Variants in PLEKHS1 observed in about 807,000 individuals in gnomAD.
PLEKHS1 encodes pleckstrin homology domain containing S1.
A neutral mutation model predicts 51.0 loss-of-function variants in PLEKHS1; 55 were observed. The observed-to-expected ratio is 1.08, with a 90% CI of 0.87 to 1.35. The LOEUF is 1.35. Ranked by LOEUF, PLEKHS1 falls within the 40% of genes most tolerant of loss-of-function variation. The pLI, the probability that PLEKHS1 is intolerant of heterozygous loss-of-function variation, is 0.00. For synonymous variants in PLEKHS1, 153 were observed against 144.8 expected, an observed-to-expected ratio of 1.06 and a Z score of -0.41; for missense variants, 398 against 423.0, an observed-to-expected ratio of 0.94 and a Z score of 0.52.
At chr10:113,765,459 GCA>G in intron 2 of PLEKHS1, 1 of 773,304 alleles carries the variant, frequency 1.3e-6, no homozygotes, top group Admixed American at 1.7e-5. Flanking sequence ...GGTAGTTTCA[GCA>G]CACACATGTG....
chr10:113,777,172 C>A, intron 11 of PLEKHS1: 1 of 1,612,764 alleles, frequency 6.2e-7, no homozygotes, highest in Non-Finnish European at 8.5e-7. Flanking sequence ...TATTTTGCCA[C>A]GGAGATCATC....
intron 1 of PLEKHS1, among the ~76,000 whole-genome samples, chr10:113,752,298 G>T (rs552552952): frequency 6.6e-6 from 1 of 152,210 alleles, no homozygotes; most frequent in Admixed American, 6.5e-5. Context: ...TTTAGAGTAC[G>T]GTTATGAGGT....
chr10:113,771,586 A>G (rs1174885960), intron 7 of PLEKHS1, among the ~76,000 whole-genome samples: 1 of 151,124 alleles, frequency 6.6e-6, no homozygotes, highest in East Asian at 2.0e-4. Context: ...GAGGCAGGAG[A>G]ATCACTTGAA....
At chr10:113,780,235 G>A (rs1844825039) in intron 11 of PLEKHS1, among the ~76,000 whole-genome samples, 1 of 152,182 alleles carries the variant, frequency 6.6e-6, no homozygotes, top group Non-Finnish European at 1.5e-5. Flanking sequence ...AACTGATCAA[G>A]TTTAAGTTTC....
At chr10:113,777,084 G>T in intron 11 of PLEKHS1, 40 bp from the exon 12 acceptor site, 1 of 1,606,562 alleles carries the variant, frequency 6.2e-7, no homozygotes, top group South Asian at 1.1e-5. Flanking sequence ...CTGGCCAGCT[G>T]AGCCTCACAC....
chr10:113,772,651 G>A lies in PLEKHS1; in HGVS notation c.672+562G>A, dbSNP rs191482435. On this transcript the variant is annotated intron_variant, in intron 8 of 11. Coordinates refer to ENST00000361048, the Ensembl canonical transcript of PLEKHS1. ...GTCTTGTCAGTTACCACAGGATAACGCTGCACAAAAGACGTGGTCCGTGTG... is the reference window on the plus strand; with the variant it reads ...GTCTTGTCAGTTACCACAGGATAACACTGCACAAAAGACGTGGTCCGTGTG... Among the ~76,000 whole-genome samples, 91 of 152,248 alleles carry A rather than the reference G, an allele frequency of 6.0e-4. 1 individual carries two copies. The East Asian group carries it at 0.013, about 22-fold the overall frequency.
exon 4 of PLEKHS1, chr10:113,766,695 C>T (rs1442870397): frequency 2.5e-6 from 4 of 1,611,008 alleles, no homozygotes; most frequent in Non-Finnish European, 2.5e-6. Flanking sequence ...ACCATCATCA[C>T]CGAGGTTCCA....
At chr10:113,780,066 T>C (rs915487654) in intron 11 of PLEKHS1, among the ~76,000 whole-genome samples, 20 of 151,884 alleles carry the variant, frequency 1.3e-4, no homozygotes, top group African/African-American at 4.8e-4. Context: ...TTAAAGTGCC[T>C]GAGCCAATCC....
chr10:113,768,397 T>G (rs1280977555), intron 5 of PLEKHS1, among the ~76,000 whole-genome samples: 2 of 152,108 alleles, frequency 1.3e-5, no homozygotes, highest in East Asian at 3.9e-4. Flanking sequence ...GTCCTGTGAG[T>G]CCATAGAAAA....
intron 1 of PLEKHS1, among the ~76,000 whole-genome samples, chr10:113,754,012 T>C (rs762614155): frequency 7.2e-5 from 11 of 152,114 alleles, no homozygotes; most frequent in Non-Finnish European, 1.6e-4. Flanking sequence ...TTTGCCATGT[T>C]GGCCAGGCTG....
chr10:113,771,332 T>A (rs1844394938), intron 7 of PLEKHS1: 1 of 152,090 alleles, frequency 6.6e-6, no homozygotes. Context: ...ACTGGATGAT[T>A]ACAGGAAAAA....
intron 10 of PLEKHS1, 106 bp from the exon 11 acceptor site, chr10:113,775,659 T>C (rs1368512939): frequency 1.5e-6 from 1 of 674,766 alleles, no homozygotes; most frequent in Non-Finnish European, 2.5e-6. Context: ...AACCTTTACC[T>C]GGACAATGTC....
intron 1 of PLEKHS1, among the ~76,000 whole-genome samples, chr10:113,752,627 C>G (rs1853899830): frequency 6.6e-6 from 1 of 152,118 alleles, no homozygotes; most frequent in African/African-American, 2.4e-5. Flanking sequence ...TATAAAGTAT[C>G]CAAGATCACA....
intron 2 of PLEKHS1, among the ~76,000 whole-genome samples, chr10:113,758,116 T>C (rs1268195599): frequency 6.6e-6 from 1 of 152,228 alleles, no homozygotes; most frequent in East Asian, 1.9e-4. Flanking sequence ...CCTGTTGATG[T>C]TGATATTTTG....
At chr10:113,775,228 A>C (rs1844595518) in intron 10 of PLEKHS1, among the ~76,000 whole-genome samples, 193 bp downstream of exon 10, 4 of 152,020 alleles carry the variant, frequency 2.6e-5, no homozygotes, top group African/African-American at 9.7e-5. Context: ...CAAGTAAAGC[A>C]GTTCCTGGGG....
chr10:113,781,289 AAACACCTCCTTCCC>A, exon 12 of PLEKHS1: 1 of 57,908 alleles, frequency 1.7e-5, no homozygotes, highest in South Asian at 9.1e-4. Context: ...CCTCCTTCCC[AAACACCTCCTTCCC>A]AACACCTCCT....
At chr10:113,757,758 CT>C (rs1196609109) in intron 2 of PLEKHS1, among the ~76,000 whole-genome samples, 1 of 152,188 alleles carries the variant, frequency 6.6e-6, no homozygotes, top group Non-Finnish European at 1.5e-5. Flanking sequence ...CACAGTGGAA[CT>C]TCTTTCAAAA....
At chr10:113,764,171 G>A (rs1290554894) in intron 2 of PLEKHS1, among the ~76,000 whole-genome samples, 1 of 152,134 alleles carries the variant, frequency 6.6e-6, no homozygotes, top group Non-Finnish European at 1.5e-5. Flanking sequence ...CGCTATCTCG[G>A]CTCACTGCAA....
chr10:113,766,150 G>A (rs1258105425), intron 2 of PLEKHS1, among the ~76,000 whole-genome samples: 2 of 152,230 alleles, frequency 1.3e-5, no homozygotes, highest in Non-Finnish European at 2.9e-5. Context: ...GAGAGCCAAC[G>A]ACATACTCTA....
Sources: allele counts gnomAD v4.1 joint callset (sites outside exome capture counted in the v4.1 genomes callset), GRCh38; gene constraint gnomAD v4.1.1; transcripts MANE v1.5; gene names NCBI Gene and HGNC (gene_info 2026-07-23, HGNC 2026-07-21).